The following LSAMP variants were observed in gnomAD, a reference collection of about 807,000 sequenced individuals.
LSAMP encodes the protein limbic system associated membrane protein.
A neutral mutation model predicts 38.6 loss-of-function variants in LSAMP; 7 were observed. The observed-to-expected ratio is 0.18, with a 90% CI of 0.10 to 0.34. The LOEUF is 0.34. Among genes scored for constraint, LSAMP ranks in the 10% least tolerant of loss-of-function variants. The pLI is 1.00. For missense variants in LSAMP, 313 were observed against 420.0 expected, an observed-to-expected ratio of 0.75 and a Z score of 2.23; for synonymous variants, 154 against 166.8, an observed-to-expected ratio of 0.92 and a Z score of 0.59.
chr3:115,830,870 C>T (rs114377874), intron 6 of LSAMP, among the ~76,000 whole-genome samples: 1,868 of 152,290 alleles, frequency 0.012, 14 homozygotes, highest in Non-Finnish European at 0.015. Context: ...ACGCCCTCTC[C>T]TCTAACTGTA....
At chr3:116,283,420 C>T (rs1182028265) in intron 1 of LSAMP, among the ~76,000 whole-genome samples, 3 of 152,144 alleles carry the variant, frequency 2.0e-5, no homozygotes, top group Non-Finnish European at 4.4e-5. Flanking sequence ...CTGAATTACA[C>T]TTTAGCATGA....
At chr3:116,433,527 C>T (rs536861151) in intron 1 of LSAMP, among the ~76,000 whole-genome samples, 2 of 152,212 alleles carry the variant, frequency 1.3e-5, no homozygotes, top group East Asian at 1.9e-4. Flanking sequence ...AACATTCCAG[C>T]GTTAATTTTT....
chr3:116,064,177 T>A (rs946216365), intron 2 of LSAMP, among the ~76,000 whole-genome samples: 1 of 152,170 alleles, frequency 6.6e-6, no homozygotes, highest in African/African-American at 2.4e-5. Context: ...AAGATAAATA[T>A]AAAAGCTTTC....
intron 2 of LSAMP, among the ~76,000 whole-genome samples, chr3:116,061,779 T>A (rs1468544209): frequency 6.6e-6 from 1 of 152,246 alleles, no homozygotes; most frequent in Non-Finnish European, 1.5e-5. Flanking sequence ...TTATTTATAT[T>A]CACTGCTCTA....
chr3:116,193,646 T>G (rs1156272559), intron 1 of LSAMP, among the ~76,000 whole-genome samples: 1 of 152,202 alleles, frequency 6.6e-6, no homozygotes, highest in Non-Finnish European at 1.5e-5. Context: ...ACATGCTTCA[T>G]TTTGGTATTG....
chr3:115,871,090 T>C (rs1199232618), intron 3 of LSAMP, among the ~76,000 whole-genome samples: 2 of 152,152 alleles, frequency 1.3e-5, no homozygotes, highest in African/African-American at 4.8e-5. Flanking sequence ...TTTGCAATAG[T>C]TGAAAAGATT....
At chr3:115,865,686 G>C (rs1431865365) in intron 3 of LSAMP, among the ~76,000 whole-genome samples, 2 of 152,132 alleles carry the variant, frequency 1.3e-5, no homozygotes, top group Non-Finnish European at 2.9e-5. Context: ...AATTTCCTGG[G>C]ATGAGGCTCA....
intron 3 of LSAMP, among the ~76,000 whole-genome samples, chr3:115,978,448 C>T (rs978501373): frequency 2.0e-5 from 3 of 151,752 alleles, no homozygotes; most frequent in African/African-American, 4.8e-5. Flanking sequence ...CAGTACTCTT[C>T]CCACCACATC....
chr3:115,911,649 A>G (rs13097896), intron 3 of LSAMP, among the ~76,000 whole-genome samples: 7,979 of 152,234 alleles, frequency 0.052, 308 homozygotes, highest in Middle Eastern at 0.099. Flanking sequence ...TGGCCTACGT[A>G]TGGGTTTTTG....
chr3:116,016,703 G>C (rs142320929), intron 3 of LSAMP, among the ~76,000 whole-genome samples: 3 of 152,318 alleles, frequency 2.0e-5, no homozygotes, highest in African/African-American at 4.8e-5. Context: ...ATTTGTAAAT[G>C]AATGAGCATG....
chr3:116,428,378 A>C (rs2049233249), intron 1 of LSAMP, among the ~76,000 whole-genome samples: 1 of 152,068 alleles, frequency 6.6e-6, no homozygotes, highest in Non-Finnish European at 1.5e-5. Flanking sequence ...GAATTGCTTG[A>C]ACCTGGGAGG....
At chr3:116,189,460 G>A (rs1019779757) in intron 1 of LSAMP, among the ~76,000 whole-genome samples, 28 of 152,202 alleles carry the variant, frequency 1.8e-4, no homozygotes, top group African/African-American at 6.7e-4. Flanking sequence ...TACTGTGTCT[G>A]GGCAATGTCA....
In LSAMP at chr3:115,933,744, G is replaced by GA. The variant is rs1937620128; in HGVS notation, c.515-81128dup. ...ACAAGAAAATGATCAGCCATCTAAG[G>GA]AAACAGTAGAACCTTAGTAAGATGT... On this transcript the variant is annotated intron_variant, in intron 3 of 6. Coordinates refer to ENST00000490035, the MANE Select transcript of LSAMP (RefSeq NM_002338.5). Among the ~76,000 whole-genome samples, 4 of 152,186 alleles carry GA rather than the reference G, an allele frequency of 2.6e-5. No homozygotes were observed. In the South Asian group the frequency reaches 8.3e-4, roughly 31 times the overall value.
chr3:116,220,312 A>G (rs1012528925), intron 1 of LSAMP, among the ~76,000 whole-genome samples: 1 of 148,396 alleles, frequency 6.7e-6, no homozygotes, highest in African/African-American at 2.5e-5. Flanking sequence ...CATTATTTTA[A>G]TAAAGTATCT....
chr3:115,832,434 A>AC (rs1248054132), intron 6 of LSAMP, among the ~76,000 whole-genome samples: 2 of 152,224 alleles, frequency 1.3e-5, no homozygotes, highest in Non-Finnish European at 2.9e-5. Context: ...AAATGAAGAT[A>AC]CCTTGCATTA....
At chr3:116,366,035 A>AAAAAAAAAAAAG (rs1273569949) in intron 1 of LSAMP, among the ~76,000 whole-genome samples, 1 of 144,720 alleles carries the variant, frequency 6.9e-6, no homozygotes, top group Non-Finnish European at 1.5e-5. Context: ...AAAAAAAAAA[A>AAAAAAAAAAAAG]AAAAGAACTT....
chr3:116,366,016 A>AT (rs2048347745), intron 1 of LSAMP, among the ~76,000 whole-genome samples: 3 of 132,104 alleles, frequency 2.3e-5, no homozygotes, highest in South Asian at 2.4e-4. Flanking sequence ...AGTATAATAA[A>AT]AAAAAAAAAA....
chr3:116,323,022 T>C (rs2047725273), intron 1 of LSAMP, among the ~76,000 whole-genome samples: 3 of 152,178 alleles, frequency 2.0e-5, no homozygotes, highest in African/African-American at 7.2e-5. Context: ...GCTTAGTTAC[T>C]GTACAGGTTA....
At position 115,924,851 on chromosome 3, in the gene LSAMP, A is replaced by G. The variant is rs542359844; in HGVS notation, c.515-72234T>C. Among the ~76,000 whole-genome samples, 13 of 152,278 alleles carry G rather than the reference A, an allele frequency of 8.5e-5. No individual in the cohort carries two copies. The East Asian group carries it at 2.5e-3, about 29-fold the overall frequency. On this transcript the variant is annotated intron_variant, in intron 3 of 6. Coordinates refer to ENST00000490035, the MANE Select transcript of LSAMP (RefSeq NM_002338.5). ...AGGGTCCTACTTCTCCCTTAGTACT[A>G]CAGTGCACTTAGATCCAGGCTAGAA...
Sources: allele counts gnomAD v4.1 joint callset (sites outside exome capture counted in the v4.1 genomes callset), GRCh38; gene constraint gnomAD v4.1.1; transcripts MANE v1.5; gene names NCBI Gene and HGNC (gene_info 2026-07-23, HGNC 2026-07-21).